The following HMX2 variants were observed in gnomAD, a reference collection of about 807,000 sequenced individuals.
The protein encoded by HMX2 is homeobox protein HMX2.
A neutral mutation model predicts 21.2 loss-of-function variants in HMX2; 15 were observed. That is an observed-to-expected ratio of 0.71 (90% CI 0.47 to 1.09). The LOEUF (loss-of-function observed/expected upper bound fraction) is 1.09. Among genes scored for constraint, HMX2 ranks in the 50% least tolerant of loss-of-function variants. The probability of loss-of-function intolerance (pLI) is 0.00; values close to 1 mark genes in which losing one functional copy is unlikely to be tolerated. For synonymous variants in HMX2, 193 were observed against 181.0 expected (o/e 1.07, Z -0.53); for missense variants, 440 against 381.5 (o/e 1.15, Z -1.28).
chr10:123,149,708 C>T lies in HMX2; in HGVS notation c.407C>T (p.Pro136Leu), dbSNP rs766496437. The T allele has an allele frequency of 1.3e-6, 2 of 1,559,790 alleles. No homozygotes were observed. The highest frequency in any genetic ancestry group is 1.2e-5 in the South Asian group (1 of 84,290). The change falls in exon 2 of 2, where the codon CCG becomes CTG. Residue 136 changes from proline (P) to leucine (L), a missense_variant. Physicochemically the swap from Pro to Leu is moderately conservative, Grantham distance 98. Coordinates refer to ENST00000339992, the MANE Select transcript of HMX2 (RefSeq NM_005519.2). The surrounding 1 kb of genome is among the most constrained non-coding windows in gnomAD (Gnocchi z 5.4). Reference protein sequence around the residue: ...AGSPSPGSERPRDGGAERQAG... With the variant: ...AGSPSPGSERLRDGGAERQAG... ...TCGCCCTCGCCGGGGTCCGAGCGGCCGCGGGACGGCGGCGCTGAGCGGCAG... is the reference window on the plus strand; with the variant it reads ...TCGCCCTCGCCGGGGTCCGAGCGGCTGCGGGACGGCGGCGCTGAGCGGCAG...
rs747152635 is a variant in HMX2 at position 123,148,663 on chromosome 10, G to T, written c.268+17G>T. On this transcript the variant is annotated intron_variant, in intron 1 of 1. Transcript: ENST00000339992. ...CTTGCCTGGGTAAGGATCGCACGTC[G>T]CCAGTGTGGCAGCGAGCGAGCGCGA... The T allele has an allele frequency of 6.3e-6, 10 of 1,599,510 alleles. No homozygotes were observed. The highest frequency in any genetic ancestry group is 8.5e-6 in the Non-Finnish European group (10 of 1,175,304).
chr10:123,149,777 G>C lies in HMX2; in HGVS notation c.476G>C (p.Ser159Thr). ...KKKTRTVFSR[S>T]QVYQLESTFD... ...AAGACGCGCACCGTCTTTTCGCGCA[G>C]CCAGGTGTACCAGCTCGAGTCCACC... is the stretch of plus-strand genomic sequence containing the variant. Residue 159 changes from serine to threonine, a missense_variant, in exon 2 of 2, where the codon AGC (serine) becomes ACC (threonine). Transcript: ENST00000339992. This position sits in a 1 kb window ranked among gnomAD's most constrained non-coding sequence, Gnocchi z 5.4. 1 of 1,599,980 alleles carries C rather than the reference G, an allele frequency of 6.3e-7. No homozygotes were observed. Among genetic ancestry groups the C allele is most frequent in the Non-Finnish European group, 8.5e-7 (1 of 1,172,722 alleles).
In HMX2 at chr10:123,148,628, A is replaced by C; in HGVS notation, c.250A>C (p.Ile84Leu). The C allele has an allele frequency of 6.2e-7, 1 of 1,609,832 alleles. No individual in the cohort carries two copies. The highest frequency in any genetic ancestry group is 8.5e-7 in the Non-Finnish European group (1 of 1,178,438). Residue 84 changes from isoleucine to leucine, a missense_variant, in exon 1 of 2, where the codon ATC becomes CTC. Physicochemically the swap from Ile to Leu is conservative, Grantham distance 5 (BLOSUM62 2). Coordinates refer to ENST00000339992, the MANE Select transcript of HMX2 (RefSeq NM_005519.2). ...GCAGGGCCCCAAGCACCATCCCCCC[A>C]TCCCTTTTCCTTGCCTGGGTAAGGA... ...KEQGPKHHPP[I>L]PFPCLGTPKG...
In HMX2 at chr10:123,149,746, A is replaced by T. The variant is rs1181232138; in HGVS notation, c.445A>T (p.Lys149Ter). ...GGAERQAGAA[K>*]KKTRTVFSRS... ...CGCTGAGCGGCAGGCCGGCGCGGCCAAGAAGAAGACGCGCACCGTCTTTTC... is the reference window on the plus strand; with the variant it reads ...CGCTGAGCGGCAGGCCGGCGCGGCCTAGAAGAAGACGCGCACCGTCTTTTC... Residue 149 changes from lysine (K) to a stop codon, truncating the protein, a stop_gained, in exon 2 of 2, where the codon AAG (lysine) becomes TAG (stop). Coordinates refer to ENST00000339992, the MANE Select transcript of HMX2 (RefSeq NM_005519.2). LOFTEE classifies it high-confidence loss of function. This position sits in a 1 kb window ranked among gnomAD's most constrained non-coding sequence, Gnocchi z 5.4. The T allele has an allele frequency of 6.4e-7, 1 of 1,553,182 alleles. No homozygotes were observed. Among genetic ancestry groups the T allele is most frequent in the Admixed American group, 1.9e-5 (1 of 51,842 alleles).
rs892227040 is a variant in HMX2 at position 123,149,251 on chromosome 10, A to G, written c.269-319A>G. Among the ~76,000 whole-genome samples the G allele has an allele frequency of 2.6e-5, 4 of 152,148 alleles. No individual in the cohort carries two copies. Among genetic ancestry groups the G allele is most frequent in the East Asian group, 1.9e-4 (1 of 5,184 alleles). ...AAGCTCGAGGAACTCTTCCAGCTCA[A>G]TTACCACCAAGCAAATTCGCCTTTT... On this transcript the variant is annotated intron_variant, in intron 1 of 1. Coordinates refer to ENST00000339992, the MANE Select transcript of HMX2 (RefSeq NM_005519.2). This position sits in a 1 kb window ranked among gnomAD's most constrained non-coding sequence, Gnocchi z 5.4.
chr10:123,150,189 G>A lies in HMX2; in HGVS notation c.*66G>A. 1 of 1,326,906 alleles carries A rather than the reference G, an allele frequency of 7.5e-7. No individual in the cohort carries two copies. Among genetic ancestry groups the A allele is most frequent in the African/African-American group, 1.5e-5 (1 of 67,686 alleles). The allele number at this position is 1,326,906 out of a possible 1,614,324, so 82.2% of individuals were successfully genotyped here. A position where few individuals can be genotyped will look rare whatever the true frequency, so the allele number is the denominator to read the frequency against. Reference sequence around the variant, plus strand: ...CCGGGCGCGTACTGTACTGTAAGCAGGGCTCCGGAGCAAGGCGGCGTGTTT... The same window carrying A: ...CCGGGCGCGTACTGTACTGTAAGCAAGGCTCCGGAGCAAGGCGGCGTGTTT... On this transcript the variant is annotated 3_prime_UTR_variant, in exon 2 of 2. Coordinates refer to ENST00000339992, the MANE Select transcript of HMX2 (RefSeq NM_005519.2). This position sits in a 1 kb window ranked among gnomAD's most constrained non-coding sequence, Gnocchi z 4.2.
At position 123,149,503 on chromosome 10, in the gene HMX2, G is replaced by T. The variant is rs1444736687; in HGVS notation, c.269-67G>T. The T allele has an allele frequency of 1.5e-6, 2 of 1,336,200 alleles. No individual in the cohort carries two copies. Among genetic ancestry groups the T allele is most frequent in the East Asian group, 5.5e-5 (2 of 36,300 alleles). 82.8% of individuals were successfully genotyped at this position (1,336,200 alleles called of 1,614,324 possible). On this transcript the variant is annotated intron_variant, in intron 1 of 1. Transcript: ENST00000339992. This position sits in a 1 kb window ranked among gnomAD's most constrained non-coding sequence, Gnocchi z 5.4. The stretch of plus-strand genomic sequence containing the variant: ...CGCTTGCCAACCGCTTGGTCCCAGG[G>T]AGAGCTGGCGGTCTCCGAGGCTCCC...
At position 123,149,429 on chromosome 10, in the gene HMX2, T is replaced by G. The variant is rs1347870475; in HGVS notation, c.269-141T>G. The G allele has an allele frequency of 1.7e-6, 1 of 585,922 alleles. No homozygotes were observed. The highest frequency in any genetic ancestry group is 2.7e-6 in the Non-Finnish European group (1 of 370,470). 36.3% of individuals were successfully genotyped at this position (585,922 alleles called of 1,614,324 possible). On this transcript the variant is annotated intron_variant, in intron 1 of 1. Transcript: ENST00000339992. The surrounding 1 kb of genome is among the most constrained non-coding windows in gnomAD (Gnocchi z 5.4). ...CGGGGTGCTGGGTTTGGGGGGCCAG[T>G]GAGAGGGATAAGAGGAGGGGATTGG...
intron 1 of HMX2, among the ~76,000 whole-genome samples, chr10:123,148,861 C>A (rs118129554): frequency 6.6e-6 from 1 of 152,094 alleles, no homozygotes; most frequent in Non-Finnish European, 1.5e-5. Flanking sequence ...CTTGGGCTTC[C>A]TGGGGAAGGT....
chr10:123,148,462 G>A lies in HMX2; in HGVS notation c.84G>A (p.Gly28=), dbSNP rs933804557. ...TCACCATCCAGTCCATCCTGGGCGG[G>A]GGCCCCTCGGAGGCACCGCGGGAGC... ...SSFTIQSILG[G]GPSEAPREPV... is the part of the protein sequence containing the mutation. Residue 28 remains glycine (G), a synonymous_variant, in exon 1 of 2, where the codon GGG becomes GGA. Transcript: ENST00000339992. The A allele has an allele frequency of 4.0e-5, 65 of 1,612,896 alleles. No homozygotes were observed. The highest frequency in any genetic ancestry group is 5.4e-5 in the Non-Finnish European group (64 of 1,179,494).
intron 1 of HMX2, 89 bp downstream of exon 1, chr10:123,148,735 C>T: frequency 1.3e-6 from 2 of 1,508,238 alleles, no homozygotes; most frequent in Non-Finnish European, 1.8e-6. Context: ...GCCGGGCCCC[C>T]TCTGGCCAGA....
At position 123,149,987 on chromosome 10, in the gene HMX2, C is replaced by T; in HGVS notation, c.686C>T (p.Pro229Leu). Residue 229 changes from proline (P) to leucine (L), a missense_variant, in exon 2 of 2, where the codon CCG becomes CTG. Pro to Leu is a moderately conservative substitution (Grantham distance 98). Coordinates refer to ENST00000339992, the MANE Select transcript of HMX2 (RefSeq NM_005519.2). This position sits in a 1 kb window ranked among gnomAD's most constrained non-coding sequence, Gnocchi z 5.4. Reference sequence around the variant, plus strand: ...TCGGCGCAGACTCTGGTGAGCATGCCGCTGGTGTTCCGGGACAGTTCGCTG... The same window carrying T: ...TCGGCGCAGACTCTGGTGAGCATGCTGCTGGTGTTCCGGGACAGTTCGCTG... ...HASAQTLVSM[P>L]LVFRDSSLLR... 1 of 1,611,218 alleles carries T rather than the reference C, an allele frequency of 6.2e-7. No individual in the cohort carries two copies. The highest frequency in any genetic ancestry group is 8.5e-7 in the Non-Finnish European group (1 of 1,179,376).
rs899532966 is a variant in HMX2 at position 123,149,047 on chromosome 10, C to T, written c.268+401C>T. Among the ~76,000 whole-genome samples, 33 of 152,238 alleles carry T rather than the reference C, an allele frequency of 2.2e-4. No homozygotes were observed. The highest frequency in any genetic ancestry group is 7.2e-4 in the Admixed American group (11 of 15,288). On this transcript the variant is annotated intron_variant, in intron 1 of 1. Transcript: ENST00000339992. This position sits in a 1 kb window ranked among gnomAD's most constrained non-coding sequence, Gnocchi z 5.4. ...CTCTTTCTGAGTCTTCTTCCTCACT[C>T]GCTCCGTATCTCTGCCTTTCTCTCT... is the stretch of plus-strand genomic sequence containing the variant.
Position 123,148,388 on chromosome 10 carries a change from AAAG to A in HMX2, c.15_17del (p.Glu5del). The stretch of plus-strand genomic sequence containing the variant: ...TTCTTATGAACCCAGGATGGGCAGC[AAAG>A]AAGATGCGGGCAAGGGGTGTCCGGC... On this transcript the variant is annotated inframe_deletion, in exon 1 of 2. Coordinates refer to ENST00000339992, the MANE Select transcript of HMX2 (RefSeq NM_005519.2). The A allele has an allele frequency of 6.2e-7, 1 of 1,613,324 alleles. No homozygotes were observed. Among genetic ancestry groups the A allele is most frequent in the Non-Finnish European group, 8.5e-7 (1 of 1,179,646 alleles).
At position 123,149,471 on chromosome 10, in the gene HMX2, C is replaced by G; in HGVS notation, c.269-99C>G. On this transcript the variant is annotated intron_variant, in intron 1 of 1. Coordinates refer to ENST00000339992, the MANE Select transcript of HMX2 (RefSeq NM_005519.2). This position sits in a 1 kb window ranked among gnomAD's most constrained non-coding sequence, Gnocchi z 5.4. Reference sequence around the variant, plus strand: ...GGGGATTGGTAAGGTGGGACCAAGGCTGCAGGCGCTTGCCAACCGCTTGGT... The same window carrying G: ...GGGGATTGGTAAGGTGGGACCAAGGGTGCAGGCGCTTGCCAACCGCTTGGT... 3.0e-6 allele frequency: 3 copies of G among 996,386 alleles called. No individual in the cohort carries two copies. The highest frequency in any genetic ancestry group is 4.2e-6 in the Non-Finnish European group (3 of 718,284). The allele number at this position is 996,386 out of a possible 1,614,324, so 61.7% of individuals were successfully genotyped here.
Position 123,150,239 on chromosome 10 carries a change from T to A in HMX2, c.*116T>A, listed in dbSNP as rs921834819. The stretch of plus-strand genomic sequence containing the variant: ...TCCAGAAATATGAAGAAATACACCA[T>A]GTGTATTCATTAGCTCTTATTTATG... On this transcript the variant is annotated 3_prime_UTR_variant, in exon 2 of 2. Coordinates refer to ENST00000339992, the MANE Select transcript of HMX2 (RefSeq NM_005519.2). This position sits in a 1 kb window ranked among gnomAD's most constrained non-coding sequence, Gnocchi z 4.2. The A allele has an allele frequency of 1.2e-5, 10 of 805,160 alleles. 1 individual carries two copies. The South Asian group carries it at 1.3e-4, about 11-fold the overall frequency. 49.9% of individuals were successfully genotyped at this position (805,160 alleles called of 1,614,324 possible). A position where few individuals can be genotyped will look rare whatever the true frequency, so the allele number is the denominator to read the frequency against.
chr10:123,149,509 T>G lies in HMX2; in HGVS notation c.269-61T>G. On this transcript the variant is annotated intron_variant, in intron 1 of 1. Coordinates refer to ENST00000339992, the MANE Select transcript of HMX2 (RefSeq NM_005519.2). The surrounding 1 kb of genome is among the most constrained non-coding windows in gnomAD (Gnocchi z 5.4). ...CCAACCGCTTGGTCCCAGGGAGAGC[T>G]GGCGGTCTCCGAGGCTCCCCAACCA... The G allele has an allele frequency of 7.4e-7, 1 of 1,354,122 alleles. No individual in the cohort carries two copies. The highest frequency in any genetic ancestry group is 2.0e-5 in the South Asian group (1 of 50,300). 83.9% of individuals were successfully genotyped at this position (1,354,122 alleles called of 1,614,324 possible). A position where few individuals can be genotyped will look rare whatever the true frequency, so the allele number is the denominator to read the frequency against.
Position 123,150,359 on chromosome 10 carries a change from C to G in HMX2, c.*236C>G. On this transcript the variant is annotated 3_prime_UTR_variant, in exon 2 of 2. Coordinates refer to ENST00000339992, the MANE Select transcript of HMX2 (RefSeq NM_005519.2). The surrounding 1 kb of genome is among the most constrained non-coding windows in gnomAD (Gnocchi z 4.2). ...TTCCTACCTAGACCGAACCAGTACG[C>G]TTTGAAAACCATTCGGAGTGAGATG... is the stretch of plus-strand genomic sequence containing the variant. The G allele has an allele frequency of 2.6e-6, 1 of 380,998 alleles. No individual in the cohort carries two copies. Among genetic ancestry groups the G allele is most frequent in the Middle Eastern group, 6.7e-4 (1 of 1,486 alleles). 23.6% of individuals were successfully genotyped at this position (380,998 alleles called of 1,614,324 possible).
Position 123,149,736 on chromosome 10 carries a change from C to T in HMX2, c.435C>T (p.Ala145=), listed in dbSNP as rs780879788. The T allele has an allele frequency of 2.6e-6, 4 of 1,533,068 alleles. No individual in the cohort carries two copies. Among genetic ancestry groups the T allele is most frequent in the South Asian group, 2.5e-5 (2 of 80,016 alleles). The allele number at this position is 1,533,068 out of a possible 1,614,324, so 95.0% of individuals were successfully genotyped here. ...GGGACGGCGGCGCTGAGCGGCAGGC[C>T]GGCGCGGCCAAGAAGAAGACGCGCA... ...RPRDGGAERQ[A]GAAKKKTRTV... The change falls in exon 2 of 2, where the codon GCC becomes GCT. Residue 145 remains alanine, a synonymous_variant. Coordinates refer to ENST00000339992, the MANE Select transcript of HMX2 (RefSeq NM_005519.2). The surrounding 1 kb of genome is among the most constrained non-coding windows in gnomAD (Gnocchi z 5.4).
Sources: gnomAD v4.1 joint callset for allele counts (sites outside exome capture counted in the v4.1 genomes callset) on GRCh38, gnomAD v4.1.1 for gene constraint, Gnocchi (gnomAD v3.1) non-coding constraint, MANE v1.5 for transcripts, NCBI Gene and HGNC (gene_info 2026-07-23, HGNC 2026-07-21) for gene names.